Variants in DR1 observed in about 807,000 individuals in gnomAD.
DR1 encodes the protein down-regulator of transcription 1, also known as protein Dr1.
In DR1, 7 loss-of-function variants were observed where a neutral mutation model predicts 19.9. The ratio of observed to expected loss-of-function variants is 0.35; its 90% CI spans 0.20 to 0.66. The LOEUF (loss-of-function observed/expected upper bound fraction) is 0.66, where lower values mean the gene tolerates loss of function less well. DR1 is among the 30% of genes least tolerant of loss of function. The pLI is 0.66. For missense variants in DR1, 98 were observed against 203.7 expected, an observed-to-expected ratio of 0.48 and a Z score of 3.16; for synonymous variants, 76 against 72.5, an observed-to-expected ratio of 1.05 and a Z score of -0.24.
At position 93,346,185 on chromosome 1, in the gene DR1, G is replaced by A; in HGVS notation, c.-461G>A. The A allele has an allele frequency of 4.5e-6, 1 of 219,780 alleles. No individual in the cohort carries two copies. The allele number at this position is 219,780 out of a possible 1,614,324, so 13.6% of individuals were successfully genotyped here. Reference sequence around the variant, plus strand: ...CGAGGCGGCGGCAACGGCTGCTGGCGGCGGCGGCAGCGGCAGCGGGGCCTC... The same window carrying A: ...CGAGGCGGCGGCAACGGCTGCTGGCAGCGGCGGCAGCGGCAGCGGGGCCTC... On this transcript the variant is annotated 5_prime_UTR_variant, in exon 1 of 3. Transcript: ENST00000370272.
intron 1 of DR1, among the ~76,000 whole-genome samples, chr1:93,353,239 GGA>G (rs1294580505): frequency 6.6e-6 from 1 of 151,970 alleles, no homozygotes; most frequent in Non-Finnish European, 1.5e-5. Flanking sequence ...TACGAAAAGG[GGA>G]GAAACATTTT....
rs1285991022 is a variant in DR1, at chr1:93,364,928, A to G, written c.*4289A>G. ...GAATGCAGTGGCGCGATCTCGGCTC[A>G]CTGCAAGCTCCGCCTCCCGGGTTCA... On this transcript the variant is annotated 3_prime_UTR_variant, in exon 3 of 3. Coordinates refer to ENST00000370272, the MANE Select transcript of DR1 (RefSeq NM_001938.3). 2 of 134,586 alleles carry G rather than the reference A, an allele frequency of 1.5e-5. No individual in the cohort carries two copies. Among genetic ancestry groups the G allele is most frequent in the Non-Finnish European group, 3.0e-5 (2 of 66,128 alleles). 8.3% of individuals were successfully genotyped at this position (134,586 alleles called of 1,614,324 possible). A position where few individuals can be genotyped will look rare whatever the true frequency, so the allele number is the denominator to read the frequency against.
At chr1:93,354,718 G>A (rs7545154) in intron 2 of DR1, among the ~76,000 whole-genome samples, 13,253 of 152,128 alleles carry the variant, frequency 0.087, 1,910 homozygotes, top group African/African-American at 0.3. Context: ...AAGAGAAGCC[G>A]TAGTAACCAT....
chr1:93,351,671 A>G (rs958026696), intron 1 of DR1, among the ~76,000 whole-genome samples: 1 of 152,092 alleles, frequency 6.6e-6, no homozygotes, highest in African/African-American at 2.4e-5. Context: ...CCTGACTTCA[A>G]GTAATCCCCG....
At position 93,358,415 on chromosome 1, in the gene DR1, G is replaced by T. The variant is rs1449626590; in HGVS notation, c.385-2078G>T. Among the ~76,000 whole-genome samples, 3 of 152,096 alleles carry T rather than the reference G, an allele frequency of 2.0e-5. No homozygotes were observed. The South Asian group carries it at 6.2e-4, about 32-fold the overall frequency. On this transcript the variant is annotated intron_variant, in intron 2 of 2. Transcript: ENST00000370272. ...TCTTTCAGTTCCTTTGAACAACCCA[G>T]CAACACTTCTTCACCCTGGTTGCAT...
In DR1 at chr1:93,367,835, A is replaced by C. The variant is rs906714365; in HGVS notation, c.*7196A>C. ...GAGACCATCCCGGCCAACATAGTGA[A>C]ACCTCATCTGTGCTAAAATACAAAA... is the stretch of plus-strand genomic sequence containing the variant. On this transcript the variant is annotated 3_prime_UTR_variant, in exon 3 of 3. Coordinates refer to ENST00000370272, the MANE Select transcript of DR1 (RefSeq NM_001938.3). 1 of 152,222 alleles carries C rather than the reference A, an allele frequency of 6.6e-6. No individual in the cohort carries two copies. The highest frequency in any genetic ancestry group is 1.5e-5 in the Non-Finnish European group (1 of 68,086). 9.4% of individuals were successfully genotyped at this position (152,222 alleles called of 1,614,324 possible).
In DR1 at chr1:93,366,735, G is replaced by A. The variant is rs1006197998; in HGVS notation, c.*6096G>A. The stretch of plus-strand genomic sequence containing the variant: ...CAAGTAAGAATTGGCTGGACATGGT[G>A]GCTTACGCCTGTAATCTCAACACTG... On this transcript the variant is annotated 3_prime_UTR_variant, in exon 3 of 3. Coordinates refer to ENST00000370272, the MANE Select transcript of DR1 (RefSeq NM_001938.3). 6.6e-6 allele frequency: 1 copy of A among 152,190 alleles called. No individual in the cohort carries two copies. Among genetic ancestry groups the A allele is most frequent in the Non-Finnish European group, 1.5e-5 (1 of 68,046 alleles). 9.4% of individuals were successfully genotyped at this position (152,190 alleles called of 1,614,324 possible).
intron 1 of DR1, among the ~76,000 whole-genome samples, chr1:93,350,525 A>C (rs1391193932): frequency 6.6e-6 from 1 of 152,246 alleles, no homozygotes; most frequent in Non-Finnish European, 1.5e-5. Flanking sequence ...TTTTATGCAT[A>C]TGAAGTATAA....
intron 2 of DR1, among the ~76,000 whole-genome samples, chr1:93,359,802 A>G (rs1423990337): frequency 2.6e-5 from 4 of 152,150 alleles, no homozygotes; most frequent in Non-Finnish European, 5.9e-5. Flanking sequence ...TAGAGGATAT[A>G]TCAGATGAAT....
intron 1 of DR1, among the ~76,000 whole-genome samples, chr1:93,347,698 T>C (rs913505581): frequency 6.6e-6 from 1 of 152,190 alleles, no homozygotes; most frequent in Admixed American, 6.5e-5. Context: ...CAGTTTCTTT[T>C]ATCCTGGAAA....
rs1023203770 is a variant in DR1 at position 93,362,916 on chromosome 1, A to G, written c.*2277A>G. 12 of 149,044 alleles carry G rather than the reference A, an allele frequency of 8.1e-5. No individual in the cohort carries two copies. The highest frequency in any genetic ancestry group is 1.3e-4 in the Non-Finnish European group (9 of 67,482). 9.2% of individuals were successfully genotyped at this position (149,044 alleles called of 1,614,324 possible). On this transcript the variant is annotated 3_prime_UTR_variant, in exon 3 of 3. Coordinates refer to ENST00000370272, the MANE Select transcript of DR1 (RefSeq NM_001938.3). Reference sequence around the variant, plus strand: ...AATTTTTTAAATCTTTTGAAGAGAGAAACAAAATCTTCAGCGTTCTTGAGA... The same window carrying G: ...AATTTTTTAAATCTTTTGAAGAGAGGAACAAAATCTTCAGCGTTCTTGAGA...
chr1:93,346,721 C>A lies in DR1; in HGVS notation c.76C>A (p.Leu26Ile). Reference sequence around the variant, plus strand: ...TATCAATAAAATGATCAAAGAGACTCTTCCTAATGTCCGGGTGGCCAACGA... The same window carrying A: ...TATCAATAAAATGATCAAAGAGACTATTCCTAATGTCCGGGTGGCCAACGA... ...AAINKMIKET[L>I]PNVRVANDAR... The change falls in exon 1 of 3, where the codon CTT (leucine) becomes ATT (isoleucine). Residue 26 changes from leucine to isoleucine, a missense_variant. Physicochemically the swap from Leu to Ile is conservative, Grantham distance 5 (BLOSUM62 2). Coordinates refer to ENST00000370272, the MANE Select transcript of DR1 (RefSeq NM_001938.3). 6.2e-7 allele frequency: 1 copy of A among 1,614,142 alleles called. No homozygotes were observed. Among genetic ancestry groups the A allele is most frequent in the South Asian group, 1.1e-5 (1 of 91,078 alleles).
rs1054296770 is a variant in DR1 at position 93,366,360 on chromosome 1, G to A, written c.*5721G>A. ...GTGAATAATGCTTCTGTGAACGTGG[G>A]TATACAAATAACTGTTTGAGTCCTA... On this transcript the variant is annotated 3_prime_UTR_variant, in exon 3 of 3. Coordinates refer to ENST00000370272, the MANE Select transcript of DR1 (RefSeq NM_001938.3). 6.6e-6 allele frequency: 1 copy of A among 152,134 alleles called. No individual in the cohort carries two copies. The highest frequency in any genetic ancestry group is 6.5e-5 in the Admixed American group (1 of 15,280). The allele number at this position is 152,134 out of a possible 1,614,324, so 9.4% of individuals were successfully genotyped here.
intron 2 of DR1, 67 bp downstream of exon 2, chr1:93,354,138 A>C (rs915856323): frequency 1.2e-5 from 18 of 1,478,996 alleles, no homozygotes; most frequent in Middle Eastern, 2.2e-4. Flanking sequence ...ATTGCTTCCT[A>C]AATTAACAGA....
chr1:93,360,704 A>G lies in DR1; in HGVS notation c.*65A>G. On this transcript the variant is annotated 3_prime_UTR_variant, in exon 3 of 3. Transcript: ENST00000370272. Reference sequence around the variant, plus strand: ...TTCCCTGCACAACAAAAACAGTGAAAGAAATGCTTATCTGTAATTTTGTAT... The same window carrying G: ...TTCCCTGCACAACAAAAACAGTGAAGGAAATGCTTATCTGTAATTTTGTAT... 6.5e-7 allele frequency: 1 copy of G among 1,534,698 alleles called. No homozygotes were observed. Among genetic ancestry groups the G allele is most frequent in the Admixed American group, 2.4e-5 (1 of 42,486 alleles).
chr1:93,356,152 G>GA (rs1180132355), intron 2 of DR1, among the ~76,000 whole-genome samples: 5 of 150,862 alleles, frequency 3.3e-5, no homozygotes, highest in Admixed American at 2.0e-4. Flanking sequence ...GGGCAAGAGA[G>GA]AAAAAAATAT....
At chr1:93,347,324 CAT>C (rs1049927045) in intron 1 of DR1, among the ~76,000 whole-genome samples, 16 of 152,206 alleles carry the variant, frequency 1.1e-4, no homozygotes, top group East Asian at 3.8e-4. Flanking sequence ...TTTCTGAACA[CAT>C]GAGTTAAAAA....
chr1:93,351,139 A>T (rs1204280841), intron 1 of DR1, among the ~76,000 whole-genome samples: 1 of 152,190 alleles, frequency 6.6e-6, no homozygotes, highest in African/African-American at 2.4e-5. Context: ...AATGTAAAAT[A>T]TCTCTCTATT....
chr1:93,350,646 CTTTTTTG>C (rs1193885836), intron 1 of DR1, among the ~76,000 whole-genome samples: 1 of 151,804 alleles, frequency 6.6e-6, no homozygotes, highest in Non-Finnish European at 1.5e-5. Flanking sequence ...ATTTTTACTT[CTTTTTTG>C]TTTTTTTAAT....
Sources: allele counts gnomAD v4.1 joint callset (sites outside exome capture counted in the v4.1 genomes callset), GRCh38; gene constraint gnomAD v4.1.1; transcripts MANE v1.5; gene names NCBI Gene and HGNC (gene_info 2026-07-23, HGNC 2026-07-21).